The following DMD variants were observed in gnomAD, a reference collection of about 807,000 sequenced individuals.
The protein encoded by DMD is mutant dystrophin.
In DMD, 63 loss-of-function variants were observed where a neutral mutation model predicts 330.1. That is an observed-to-expected ratio of 0.19 (90% CI 0.16 to 0.24). DMD has a LOEUF of 0.24. DMD is among the 10% of genes least tolerant of loss of function. The pLI, the probability that DMD is intolerant of heterozygous loss-of-function variation, is 1.00. For missense variants in DMD, 3,344 were observed against 2,684.1 expected, an observed-to-expected ratio of 1.25 and a Z score of -5.43; for synonymous variants, 1,223 against 959.8, an observed-to-expected ratio of 1.27 and a Z score of -5.07.
Position 32,021,252 on chromosome X carries a change from G to C in DMD, c.6439-52738C>G, listed in dbSNP as rs904891483. On this transcript the variant is annotated intron_variant, in intron 44 of 78. Coordinates refer to ENST00000357033, the MANE Select transcript of DMD (RefSeq NM_004006.3). ...ACGTAAATATGTAAAACATAGTATT[G>C]AGAGAAAAGAATTCACAGAGAAGAT... is the stretch of plus-strand genomic sequence containing the variant. Among the ~76,000 whole-genome samples the C allele has an allele frequency of 3.6e-5, 4 of 112,124 alleles. No homozygotes were observed. In the Admixed American group the frequency reaches 3.8e-4, roughly 11 times the overall value.
chrX:31,863,998 A>C (rs776152381), intron 48 of DMD, among the ~76,000 whole-genome samples: 7 of 111,244 alleles, frequency 6.3e-5, no homozygotes, highest in Non-Finnish European at 1.1e-4. Context: ...GGTAGACATT[A>C]TATTGCAATG....
At chrX:32,868,510 T>C (rs983180684) in intron 2 of DMD, among the ~76,000 whole-genome samples, 5 of 111,795 alleles carry the variant, frequency 4.5e-5, no homozygotes, top group East Asian at 5.7e-4. Flanking sequence ...TGAGCTCCTG[T>C]AGGGAGGGCA....
At chrX:32,842,465 G>T (rs1288965395) in intron 4 of DMD, among the ~76,000 whole-genome samples, 1 of 111,865 alleles carries the variant, frequency 8.9e-6, no homozygotes, top group Non-Finnish European at 1.9e-5. Context: ...ATGAGATGTG[G>T]TATGTGTGCT....
At chrX:33,133,365 A>G (rs1291997314) in intron 1 of DMD, among the ~76,000 whole-genome samples, 1 of 111,964 alleles carries the variant, frequency 8.9e-6, no homozygotes, top group Non-Finnish European at 1.9e-5. Flanking sequence ...TTGTCTCTAG[A>G]GTTATTATTC....
intron 44 of DMD, among the ~76,000 whole-genome samples, chrX:32,176,694 G>A (rs2096907760): frequency 9.0e-6 from 1 of 110,998 alleles, no homozygotes; most frequent in African/African-American, 3.3e-5. Flanking sequence ...GACCTTGTGA[G>A]TCACTTGTGA....
chrX:32,325,526 CAT>C (rs2097646614), intron 41 of DMD, among the ~76,000 whole-genome samples: 1 of 111,685 alleles, frequency 9.0e-6, no homozygotes, highest in Non-Finnish European at 1.9e-5. Flanking sequence ...ATTATGGAAG[CAT>C]AGACTAAGAC....
chrX:31,292,409 A>T (rs904232434), intron 62 of DMD, among the ~76,000 whole-genome samples: 2 of 112,269 alleles, frequency 1.8e-5, no homozygotes, highest in Admixed American at 1.9e-4. Flanking sequence ...TAACAATGAG[A>T]TTCTACTCAC....
intron 50 of DMD, among the ~76,000 whole-genome samples, chrX:31,796,266 T>C (rs1487612446): frequency 8.9e-6 from 1 of 112,170 alleles, no homozygotes; most frequent in African/African-American, 3.2e-5. Context: ...AAAATTGCAG[T>C]GCTAAATAAG....
chrX:33,294,273 C>T (rs1248414122), intron 1 of DMD, among the ~76,000 whole-genome samples: 1 of 111,289 alleles, frequency 9.0e-6, no homozygotes, highest in Non-Finnish European at 1.9e-5. Context: ...TATTTTATTA[C>T]AATTTTCACC....
intron 48 of DMD, among the ~76,000 whole-genome samples, chrX:31,840,173 A>C (rs1380016426): frequency 8.9e-6 from 1 of 111,821 alleles, no homozygotes; most frequent in Admixed American, 9.6e-5. Context: ...CATAGTATTT[A>C]TACATTAAAA....
At chrX:32,124,428 G>C (rs1294715718) in intron 44 of DMD, among the ~76,000 whole-genome samples, 2 of 112,082 alleles carry the variant, frequency 1.8e-5, no homozygotes, top group Non-Finnish European at 3.8e-5. Flanking sequence ...ACATGCAAAA[G>C]AGACCCAATT....
intron 43 of DMD, among the ~76,000 whole-genome samples, chrX:32,277,616 C>T (rs1364125597): frequency 1.8e-5 from 2 of 111,503 alleles, no homozygotes; most frequent in South Asian, 3.7e-4. Context: ...TAATATCAAG[C>T]ATCTTCTCTG....
chrX:32,731,086 T>G (rs1174586752), intron 7 of DMD, among the ~76,000 whole-genome samples: 1 of 111,761 alleles, frequency 8.9e-6, no homozygotes, highest in Non-Finnish European at 1.9e-5. Flanking sequence ...GGGTGAGGCA[T>G]TGCCTCACTC....
At chrX:33,238,428 T>C (rs905310748) in intron 1 of DMD, among the ~76,000 whole-genome samples, 2 of 112,000 alleles carry the variant, frequency 1.8e-5, no homozygotes, top group Non-Finnish European at 3.8e-5. Flanking sequence ...ATATCATGCA[T>C]ATTTAGAAAT....
At chrX:32,538,356 T>A (rs1188347537) in intron 17 of DMD, among the ~76,000 whole-genome samples, 1 of 111,593 alleles carries the variant, frequency 9.0e-6, no homozygotes, top group Non-Finnish European at 1.9e-5. Flanking sequence ...TTCCTTCTCC[T>A]GGCTCAAAAC....
chrX:31,434,414 GCGCGCACACACACACACACACACACACA>G (rs1162762607), intron 60 of DMD, among the ~76,000 whole-genome samples: 45 of 68,410 alleles, frequency 6.6e-4, no homozygotes, highest in Non-Finnish European at 1.0e-3. Flanking sequence ...ACTGCAGCGC[GCGCGCACACACACACACACACACACACA>G]CACACACACA....
chrX:31,743,906 G>GC (rs1416991258), intron 51 of DMD, among the ~76,000 whole-genome samples: 1 of 110,066 alleles, frequency 9.1e-6, no homozygotes, highest in Non-Finnish European at 1.9e-5. Context: ...ATTCTGGCTG[G>GC]AGGGCACTGG....
chrX:32,457,474 G>A (rs907767001), intron 25 of DMD, among the ~76,000 whole-genome samples: 1 of 110,857 alleles, frequency 9.0e-6, no homozygotes, highest in Non-Finnish European at 1.9e-5. Flanking sequence ...ATGTAGCGTG[G>A]AGAAGATGTA....
chrX:32,849,180 T>TC (rs954278117), intron 3 of DMD, among the ~76,000 whole-genome samples: 70 of 110,392 alleles, frequency 6.3e-4, no homozygotes, highest in East Asian at 2.0e-3. Context: ...TTGAGTTCTT[T>TC]CCCCCCCCAG....
Sources: gnomAD v4.1 joint callset for allele counts (sites outside exome capture counted in the v4.1 genomes callset) on GRCh38, gnomAD v4.1.1 for gene constraint, MANE v1.5 for transcripts, NCBI Gene and HGNC (gene_info 2026-07-23, HGNC 2026-07-21) for gene names.